Variants in ZEB1 observed in about 807,000 individuals in gnomAD.
ZEB1 encodes zinc finger E-box-binding homeobox 1.
Under a neutral mutation model 84.9 loss-of-function variants are expected in ZEB1, and 21 were observed. That is an observed-to-expected ratio of 0.25 (90% CI 0.18 to 0.36). The LOEUF (loss-of-function observed/expected upper bound fraction) is 0.36, where lower values mean the gene tolerates loss of function less well. Among genes scored for constraint, ZEB1 ranks in the 10% least tolerant of loss-of-function variants. The probability of loss-of-function intolerance (pLI) is 1.00; values close to 1 mark genes in which losing one functional copy is unlikely to be tolerated. For synonymous variants in ZEB1, 420 were observed against 471.1 expected, an observed-to-expected ratio of 0.89 and a Z score of 1.41; for missense variants, 1,104 against 1,330.2, an observed-to-expected ratio of 0.83 and a Z score of 2.65.
At chr10:31,332,881 T>C (rs1461982255) in intron 1 of ZEB1, among the ~76,000 whole-genome samples, 1 of 152,226 alleles carries the variant, frequency 6.6e-6, no homozygotes, top group Non-Finnish European at 1.5e-5. Flanking sequence ...TTATATAGCG[T>C]ATTTTTTAAC....
intron 1 of ZEB1, chr10:31,375,078 C>CACACACACACAG (rs1386404657): frequency 6.7e-6 from 1 of 149,184 alleles, no homozygotes; most frequent in African/African-American, 2.5e-5. Context: ...CACACACACA[C>CACACACACACAG]ACACACACAC....
At position 31,461,048 on chromosome 10, in the gene ZEB1, A is replaced by G. The variant is rs2061749948; in HGVS notation, c.70A>G (p.Asn24Asp). The change falls in exon 2 of 9, where the codon AAT becomes GAT. Residue 24 changes from asparagine (N) to aspartate (D), a missense_variant. Asn to Asp is a conservative substitution (Grantham distance 23, BLOSUM62 1). Around this residue, in one of 7 missense-constraint regions of ZEB1, gnomAD observed 162 missense variants for 184.5 expected, o/e 0.88. Transcript: ENST00000424869. Reference protein sequence around the residue: ...NPRRNNVTNYNTVVETNSDSD... With the variant: ...NPRRNNVTNYDTVVETNSDSD... ...TGTTTGTATTACAGTTACAAATTAT[A>G]ATACTGTGGTAGAAACAAATTCAGA... is the stretch of plus-strand genomic sequence containing the variant. 6.2e-7 allele frequency: 1 copy of G among 1,612,232 alleles called. No homozygotes were observed. The highest frequency in any genetic ancestry group is 8.5e-7 in the Non-Finnish European group (1 of 1,178,628).
At chr10:31,466,866 A>T (rs1470574541) in intron 2 of ZEB1, among the ~76,000 whole-genome samples, 4 of 152,202 alleles carry the variant, frequency 2.6e-5, no homozygotes, top group African/African-American at 9.6e-5. Context: ...GCTAGAATTT[A>T]AAAAAGGAGG....
intron 1 of ZEB1, among the ~76,000 whole-genome samples, chr10:31,412,665 G>A (rs1030792022): frequency 1.3e-5 from 2 of 152,050 alleles, no homozygotes; most frequent in Non-Finnish European, 2.9e-5. Context: ...ATCATTGATG[G>A]GATAAAGCAC....
At chr10:31,467,358 C>T (rs902615571) in intron 2 of ZEB1, among the ~76,000 whole-genome samples, 4 of 151,994 alleles carry the variant, frequency 2.6e-5, no homozygotes, top group Admixed American at 2.0e-4. Flanking sequence ...TGCATCCGAG[C>T]GGCTACATCT....
intron 1 of ZEB1, among the ~76,000 whole-genome samples, chr10:31,400,896 TAG>T (rs746622097): frequency 4.2e-4 from 64 of 152,276 alleles, no homozygotes; most frequent in African/African-American, 1.3e-3. Flanking sequence ...CTGATTTAAA[TAG>T]AGTCATAATC....
chr10:31,408,552 G>T (rs2053590576), intron 1 of ZEB1, among the ~76,000 whole-genome samples: 1 of 147,714 alleles, frequency 6.8e-6, no homozygotes. Flanking sequence ...CAGAGATATA[G>T]ATCAATGGAA....
chr10:31,439,523 A>G (rs1002771740), intron 1 of ZEB1, among the ~76,000 whole-genome samples: 1 of 152,210 alleles, frequency 6.6e-6, no homozygotes, highest in Admixed American at 6.5e-5. Context: ...CCAGTGTTCT[A>G]GATGAGGGGA....
chr10:31,345,592 T>C (rs1387115680), intron 1 of ZEB1, among the ~76,000 whole-genome samples: 1 of 152,120 alleles, frequency 6.6e-6, no homozygotes, highest in Admixed American at 6.6e-5. Flanking sequence ...GTGTGGGTTA[T>C]GAGGCCCACC....
intron 1 of ZEB1, among the ~76,000 whole-genome samples, chr10:31,384,164 C>T (rs2048224894): frequency 6.6e-6 from 1 of 151,556 alleles, no homozygotes. Context: ...TTAGTAGAGA[C>T]GGGGTTTCTC....
intron 1 of ZEB1, among the ~76,000 whole-genome samples, chr10:31,351,719 T>C (rs1176412794): frequency 6.6e-6 from 1 of 152,198 alleles, no homozygotes; most frequent in Admixed American, 6.5e-5. Context: ...AATTATCTGA[T>C]ATCCTTCAGA....
At chr10:31,518,368 T>C (rs913563683) in intron 6 of ZEB1, among the ~76,000 whole-genome samples, 1 of 152,178 alleles carries the variant, frequency 6.6e-6, no homozygotes, top group Non-Finnish European at 1.5e-5. Context: ...AGAATACATA[T>C]AGCAGCTCTT....
At chr10:31,466,794 C>T (rs1253804459) in intron 2 of ZEB1, among the ~76,000 whole-genome samples, 1 of 151,834 alleles carries the variant, frequency 6.6e-6, no homozygotes, top group Non-Finnish European at 1.5e-5. Context: ...AGTAGAAAAA[C>T]AATACAAAAG....
chr10:31,404,700 G>T (rs562140741), intron 1 of ZEB1, among the ~76,000 whole-genome samples: 1 of 152,168 alleles, frequency 6.6e-6, no homozygotes, highest in African/African-American at 2.4e-5. Flanking sequence ...CTGTGGGTTG[G>T]ATCTTGCCTT....
chr10:31,375,382 A>T (rs2046451529), intron 1 of ZEB1, among the ~76,000 whole-genome samples: 1 of 151,682 alleles, frequency 6.6e-6, no homozygotes, highest in African/African-American at 2.4e-5. Flanking sequence ...TGTACATGAT[A>T]TTCATTTTTC....
In ZEB1 at chr10:31,328,751, T is replaced by C. The variant is rs150979430; in HGVS notation, c.58+9459T>C. Among the ~76,000 whole-genome samples the C allele has an allele frequency of 2.5e-3, 384 of 152,280 alleles. 1 individual carries two copies. Among genetic ancestry groups the C allele is most frequent in the African/African-American group, 8.5e-3 (353 of 41,570 alleles). ...GAGAGACCTTACCATATCACTTTTA[T>C]GTATAACATTGACATGAACTTCAAG... On this transcript the variant is annotated intron_variant, in intron 1 of 8. Coordinates refer to ENST00000424869, the MANE Select transcript of ZEB1 (RefSeq NM_001174096.2).
chr10:31,454,288 A>C (rs1321208191), intron 1 of ZEB1, among the ~76,000 whole-genome samples: 1 of 152,190 alleles, frequency 6.6e-6, no homozygotes, highest in Non-Finnish European at 1.5e-5. Context: ...ATTTATGACA[A>C]ACCCACAGCC....
intron 4 of ZEB1, among the ~76,000 whole-genome samples, chr10:31,504,731 T>C (rs970563384): frequency 6.6e-6 from 1 of 151,970 alleles, no homozygotes; most frequent in African/African-American, 2.4e-5. Context: ...AATGAGATGG[T>C]CTTCTTGATT....
intron 1 of ZEB1, among the ~76,000 whole-genome samples, chr10:31,452,918 T>C (rs1303314820): frequency 6.6e-6 from 1 of 152,164 alleles, no homozygotes; most frequent in Non-Finnish European, 1.5e-5. Context: ...AATATTCTTA[T>C]ACTTAATATG....
Sources: gnomAD v4.1 joint callset for allele counts (sites outside exome capture counted in the v4.1 genomes callset) on GRCh38, gnomAD v4.1.1 for gene constraint, gnomAD v4.1.1 regional missense constraint, MANE v1.5 for transcripts, NCBI Gene and HGNC (gene_info 2026-07-23, HGNC 2026-07-21) for gene names.